The following NEBL variants were observed in gnomAD, a reference collection of about 807,000 sequenced individuals.
The protein encoded by NEBL is LIM and SH3 protein 2.
In NEBL, 122 loss-of-function variants were observed where a neutral mutation model predicts 140.2. That is an observed-to-expected ratio of 0.87 (90% confidence interval 0.75 to 1.01). NEBL has a LOEUF of 1.01. Ranked by LOEUF, NEBL falls within the 50% of genes least tolerant of loss-of-function variation. The pLI is 0.00. For synonymous variants in NEBL, 436 were observed against 398.9 expected, an observed-to-expected ratio of 1.09 and a Z score of -1.11; for missense variants, 1,365 against 1,231.3, an observed-to-expected ratio of 1.11 and a Z score of -1.62.
chr10:20,959,229 TAAACTTG>T (rs1270984504), intron 4 of NEBL, among the ~76,000 whole-genome samples: 1 of 152,166 alleles, frequency 6.6e-6, no homozygotes, highest in Non-Finnish European at 1.5e-5. Context: ...TAACCTATAT[TAAACTTG>T]GCACTCAAAT....
intron 2 of NEBL, among the ~76,000 whole-genome samples, chr10:21,108,028 T>A (rs1837802551): frequency 6.6e-6 from 1 of 152,192 alleles, no homozygotes; most frequent in African/African-American, 2.4e-5. Context: ...CCTTTATCAT[T>A]TTTATTGCAT....
chr10:21,015,597 A>G (rs1016461880), intron 3 of NEBL, among the ~76,000 whole-genome samples: 15 of 152,162 alleles, frequency 9.9e-5, no homozygotes, highest in African/African-American at 3.1e-4. Flanking sequence ...TGCAGCCTCC[A>G]ACTCCTGGGC....
chr10:20,809,793 A>C lies in NEBL; in HGVS notation c.2611+13T>G. 6.3e-7 allele frequency: 1 copy of C among 1,576,370 alleles called. No homozygotes were observed. The highest frequency in any genetic ancestry group is 8.7e-7 in the Non-Finnish European group (1 of 1,145,788). ...AACCACATAAATGGGATGAACTAAA[A>C]AGTGAGTAATACCAGAGAGCATATG... is the stretch of plus-strand genomic sequence containing the variant. On this transcript the variant is annotated intron_variant, in intron 25 of 27. Coordinates refer to ENST00000377122, the MANE Select transcript of NEBL (RefSeq NM_006393.3).
intron 2 of NEBL, among the ~76,000 whole-genome samples, chr10:21,081,399 A>G (rs1274181569): frequency 6.6e-6 from 1 of 152,204 alleles, no homozygotes; most frequent in Admixed American, 6.5e-5. Context: ...GGTTGATCAA[A>G]TAAGTAAACA....
upstream of NEBL, chr10:21,175,074 G>C (rs982801308): frequency 1.1e-4 from 17 of 152,198 alleles, no homozygotes; most frequent in African/African-American, 4.1e-4. Flanking sequence ...AGGGTAGGAT[G>C]AAACCAAAGG....
intron 3 of NEBL, among the ~76,000 whole-genome samples, chr10:21,201,394 G>C (rs1841733613): frequency 6.6e-6 from 1 of 152,124 alleles, no homozygotes; most frequent in Non-Finnish European, 1.5e-5. Flanking sequence ...AACATAAAAA[G>C]AATCTTTCCT....
intron 3 of NEBL, among the ~76,000 whole-genome samples, chr10:21,003,914 G>A (rs536665778): frequency 1.3e-5 from 2 of 152,278 alleles, no homozygotes; most frequent in Admixed American, 6.5e-5. Context: ...TTCAGTTCTT[G>A]TCTCTATTAT....
chr10:21,082,066 T>C (rs4631770), intron 2 of NEBL, among the ~76,000 whole-genome samples: 132,174 of 152,156 alleles, frequency 0.87, 57,634 homozygotes, highest in Middle Eastern at 0.93. Flanking sequence ...AGCACCCCTT[T>C]CATGAAATCC....
At chr10:20,831,609 G>A (rs1840432590) in intron 14 of NEBL, 26 bp from the exon 15 acceptor site, 1 of 1,442,102 alleles carries the variant, frequency 6.9e-7, no homozygotes. Context: ...CATACAGTTA[G>A]TGCTCTCCAA....
At chr10:20,999,705 G>A (rs1333283999) in intron 3 of NEBL, among the ~76,000 whole-genome samples, 1 of 152,132 alleles carries the variant, frequency 6.6e-6, no homozygotes, top group Non-Finnish European at 1.5e-5. Context: ...TACACTCACT[G>A]GGACCTATCT....
At chr10:21,096,689 A>AT (rs897530792) in intron 2 of NEBL, among the ~76,000 whole-genome samples, 6 of 151,890 alleles carry the variant, frequency 4.0e-5, no homozygotes, top group African/African-American at 1.2e-4. Context: ...AATTTTTACA[A>AT]TTTTTTATAG....
chr10:21,159,923 G>T (rs1418869614), intron 2 of NEBL, among the ~76,000 whole-genome samples: 2 of 152,114 alleles, frequency 1.3e-5, no homozygotes, highest in Non-Finnish European at 2.9e-5. Flanking sequence ...TTCCCCTGCT[G>T]GTCTCTTCTG....
intron 2 of NEBL, chr10:21,126,223 TTA>T: frequency 8.2e-7 from 1 of 1,215,978 alleles, no homozygotes; most frequent in East Asian, 2.4e-5. Context: ...ACATTGCTGG[TTA>T]TGTTTCAGAA....
intron 2 of NEBL, among the ~76,000 whole-genome samples, chr10:21,129,373 A>G (rs957686862): frequency 1.3e-5 from 2 of 151,938 alleles, no homozygotes; most frequent in Non-Finnish European, 2.9e-5. Flanking sequence ...TAGCCTTTTG[A>G]GTGGCTAGGA....
At chr10:20,846,236 G>A (rs76960798) in intron 11 of NEBL, among the ~76,000 whole-genome samples, 1,582 of 152,138 alleles carry the variant, frequency 0.01, 15 homozygotes, top group South Asian at 0.042. Context: ...TACTAAACAA[G>A]GGCCCAGATT....
At chr10:20,813,789 G>A (rs1838407445) in intron 23 of NEBL, 150 bp downstream of exon 23, 2 of 662,186 alleles carry the variant, frequency 3.0e-6, no homozygotes, top group African/African-American at 1.8e-5. Context: ...CTGCATTTCA[G>A]TGTGATTAGA....
intron 2 of NEBL, among the ~76,000 whole-genome samples, chr10:21,023,040 T>C (rs1265999244): frequency 1.3e-5 from 2 of 152,242 alleles, no homozygotes; most frequent in African/African-American, 4.8e-5. Context: ...TGGTGTGTTA[T>C]GTAATATTTG....
At chr10:21,096,980 G>A (rs1435602961) in intron 2 of NEBL, among the ~76,000 whole-genome samples, 1 of 150,466 alleles carries the variant, frequency 6.6e-6, no homozygotes, top group African/African-American at 2.4e-5. Context: ...AATCTCCAAG[G>A]CATCCTTAAA....
chr10:20,941,064 G>A (rs1248700184), intron 4 of NEBL, among the ~76,000 whole-genome samples: 3 of 152,154 alleles, frequency 2.0e-5, no homozygotes, highest in Non-Finnish European at 4.4e-5. Context: ...GAAAAAGAGG[G>A]AATCCTCCCT....
Sources: allele counts gnomAD v4.1 joint callset (sites outside exome capture counted in the v4.1 genomes callset), GRCh38; gene constraint gnomAD v4.1.1; transcripts MANE v1.5; gene names NCBI Gene and HGNC (gene_info 2026-07-23, HGNC 2026-07-21).